MECOM: variants seen among roughly 807,000 people sequenced by gnomAD.
The protein encoded by MECOM is histone-lysine N-methyltransferase MECOM.
Under a neutral mutation model 116.3 loss-of-function variants are expected in MECOM, and 13 were observed. The ratio of observed to expected loss-of-function variants is 0.11; its 90% CI spans 0.07 to 0.18. MECOM has a LOEUF of 0.18. MECOM is among the 10% of genes least tolerant of loss of function. MECOM has a pLI of 1.00. For missense variants in MECOM, 1,299 were observed against 1,509.0 expected (o/e 0.86, Z 2.31); for synonymous variants, 528 against 535.2 (o/e 0.99, Z 0.19).
At chr3:169,146,120 G>T in intron 2 of MECOM, 1 of 532,730 alleles carries the variant, frequency 1.9e-6, no homozygotes, top group Non-Finnish European at 2.6e-6. Flanking sequence ...GTTTTTAAAA[G>T]CTGTCAACCT....
Position 169,611,174 on chromosome 3 carries a change from C to A in MECOM, c.37+52162G>T, listed in dbSNP as rs1185303009. On this transcript the variant is annotated intron_variant, in intron 1 of 16. Transcript: ENST00000651503. This position sits in a 1 kb window ranked among gnomAD's most constrained non-coding sequence, Gnocchi z 4.1. ...GTGGTTCTAAGCTTAGGAAACCTTG[C>A]CCAAAGGATACCATTCTGTCTCTTG... Among the ~76,000 whole-genome samples, 2 of 152,312 alleles carry A rather than the reference C, an allele frequency of 1.3e-5. No homozygotes were observed. Among genetic ancestry groups the A allele is most frequent in the African/African-American group, 4.8e-5 (2 of 41,574 alleles).
intron 9 of MECOM, among the ~76,000 whole-genome samples, chr3:169,111,287 A>T (rs1007946265): frequency 1.3e-5 from 2 of 152,212 alleles, no homozygotes; most frequent in Non-Finnish European, 2.9e-5. Context: ...ACTAAATTGT[A>T]AAGATTATCA....
intron 5 of MECOM, among the ~76,000 whole-genome samples, chr3:169,123,935 G>A (rs1731935319): frequency 6.6e-6 from 1 of 151,932 alleles, no homozygotes; most frequent in Non-Finnish European, 1.5e-5. Context: ...TCCTAAAACT[G>A]GTAAATAAAG....
intron 2 of MECOM, among the ~76,000 whole-genome samples, chr3:169,264,915 A>C (rs1306313930): frequency 6.6e-6 from 1 of 152,168 alleles, no homozygotes; most frequent in African/African-American, 2.4e-5. Context: ...ACTCTTGCCA[A>C]GATCCTGGCT....
chr3:169,381,548 G>A (rs1465287504), intron 1 of MECOM, 24 bp from the exon 2 acceptor site: 1 of 1,512,710 alleles, frequency 6.6e-7, no homozygotes, highest in Non-Finnish European at 8.9e-7. Context: ...AGAACTTCAT[G>A]AATTCCTTCT....
intron 2 of MECOM, among the ~76,000 whole-genome samples, chr3:169,272,954 G>A (rs888590605): frequency 3.9e-5 from 6 of 152,138 alleles, no homozygotes; most frequent in African/African-American, 1.2e-4. Context: ...TGGAGCAAGG[G>A]TGAGAGGACA....
At chr3:169,662,223 GC>G (rs1165446664) in intron 1 of MECOM, among the ~76,000 whole-genome samples, 12 of 152,232 alleles carry the variant, frequency 7.9e-5, no homozygotes, top group African/African-American at 2.9e-4. Context: ...GACCAAGGCC[GC>G]TCCGCGCCGG....
chr3:169,299,973 C>T (rs1382112358), intron 2 of MECOM, among the ~76,000 whole-genome samples: 1 of 152,182 alleles, frequency 6.6e-6, no homozygotes, highest in Non-Finnish European at 1.5e-5. Context: ...CCTTTCCCCT[C>T]CACTCCCTCA....
At chr3:169,605,167 C>T (rs907194653) in intron 1 of MECOM, among the ~76,000 whole-genome samples, 5 of 152,048 alleles carry the variant, frequency 3.3e-5, no homozygotes, top group African/African-American at 9.7e-5. Context: ...CACAAAGGTA[C>T]CATTTAAGGA....
intron 1 of MECOM, among the ~76,000 whole-genome samples, chr3:169,433,710 AAG>A (rs1742156578): frequency 6.6e-6 from 1 of 152,092 alleles, no homozygotes; most frequent in Admixed American, 6.5e-5. Context: ...AAAAGAAAGA[AAG>A]AAAATTTCTT....
chr3:169,122,856 A>G lies in MECOM; in HGVS notation c.831-129T>C, dbSNP rs1312687087. 4 of 1,029,322 alleles carry G rather than the reference A, an allele frequency of 3.9e-6. No individual in the cohort carries two copies. The East Asian group carries it at 7.7e-5, about 20-fold the overall frequency. 63.8% of individuals were successfully genotyped at this position (1,029,322 alleles called of 1,614,324 possible). On this transcript the variant is annotated intron_variant, in intron 5 of 16. Coordinates refer to ENST00000651503, the MANE Select transcript of MECOM (RefSeq NM_004991.4). ...GGAGTTGAACTGAGAAGGAGGGAAGAGCAGAAACAGGCTTGTGACAGACAA... is the reference window on the plus strand; with the variant it reads ...GGAGTTGAACTGAGAAGGAGGGAAGGGCAGAAACAGGCTTGTGACAGACAA...
intron 12 of MECOM, among the ~76,000 whole-genome samples, chr3:169,097,469 T>A (rs1721989012): frequency 6.6e-6 from 1 of 152,068 alleles, no homozygotes. Context: ...CCTTCCTAGT[T>A]ATTGGATGTA....
chr3:169,352,711 A>G (rs1452978248), intron 2 of MECOM, among the ~76,000 whole-genome samples: 1 of 151,876 alleles, frequency 6.6e-6, no homozygotes, highest in African/African-American at 2.4e-5. Flanking sequence ...GTAAAGACAA[A>G]CCAACTTCAT....
intron 2 of MECOM, among the ~76,000 whole-genome samples, chr3:169,341,970 C>T (rs1487610849): frequency 1.3e-5 from 2 of 152,006 alleles, no homozygotes; most frequent in Non-Finnish European, 2.9e-5. Context: ...TATATACACC[C>T]ACTATGCACC....
chr3:169,565,237 A>G (rs1411762139), intron 1 of MECOM, among the ~76,000 whole-genome samples: 1 of 152,158 alleles, frequency 6.6e-6, no homozygotes, highest in Non-Finnish European at 1.5e-5. Flanking sequence ...CAGGGGAGGC[A>G]TTTGATAAAT....
chr3:169,154,742 G>A (rs1249996093), intron 2 of MECOM, among the ~76,000 whole-genome samples: 1 of 152,090 alleles, frequency 6.6e-6, no homozygotes, highest in Non-Finnish European at 1.5e-5. Flanking sequence ...ATAGGATATA[G>A]TCAATAGAAA....
intron 2 of MECOM, among the ~76,000 whole-genome samples, chr3:169,311,715 T>C (rs1320790397): frequency 6.6e-6 from 1 of 152,152 alleles, no homozygotes; most frequent in African/African-American, 2.4e-5. Context: ...TTTCAAAAAT[T>C]ACCTTTCTCT....
At position 169,104,688 on chromosome 3, in the gene MECOM, A is replaced by G. The variant is rs188437947; in HGVS notation, c.2605-2462T>C. On this transcript the variant is annotated intron_variant, in intron 10 of 16. Transcript: ENST00000651503. Reference sequence around the variant, plus strand: ...TAGAAACACGTTTCCTTTTATATGGAAAATAGCTTACTCATGACTATTATT... The same window carrying G: ...TAGAAACACGTTTCCTTTTATATGGGAAATAGCTTACTCATGACTATTATT... 1.1e-3 allele frequency among the ~76,000 whole-genome samples: 170 copies of G among 152,332 alleles called. 1 individual carries two copies. The highest frequency in any genetic ancestry group is 3.9e-3 in the African/African-American group (162 of 41,582).
intron 2 of MECOM, among the ~76,000 whole-genome samples, chr3:169,280,210 G>T (rs1311108628): frequency 3.3e-5 from 5 of 152,190 alleles, no homozygotes; most frequent in Non-Finnish European, 7.3e-5. Flanking sequence ...CATGCCATTG[G>T]TCAAGATCAG....
Sources: allele counts gnomAD v4.1 joint callset (sites outside exome capture counted in the v4.1 genomes callset), GRCh38; gene constraint gnomAD v4.1.1; non-coding constraint Gnocchi (gnomAD v3.1); transcripts MANE v1.5; gene names NCBI Gene and HGNC (gene_info 2026-07-23, HGNC 2026-07-21).